AGMO: variants seen among roughly 807,000 people sequenced by gnomAD.
AGMO encodes alkylglycerol monooxygenase, also known as glyceryl-ether monooxygenase.
AGMO carries 75 observed loss-of-function variants against 60.2 expected under a neutral mutation model. The ratio of observed to expected loss-of-function variants is 1.25; its 90% CI spans 1.03 to 1.51. The LOEUF (loss-of-function observed/expected upper bound fraction) is 1.51. Among genes scored for constraint, AGMO ranks in the 40% most tolerant of loss-of-function variants. The pLI, the probability that AGMO is intolerant of heterozygous loss-of-function variation, is 0.00. For missense variants in AGMO, 763 were observed against 525.5 expected (o/e 1.45, Z -4.42); for synonymous variants, 261 against 177.1 (o/e 1.47, Z -3.76).
chr7:15,145,709 T>C, the AGMO span, among the ~76,000 whole-genome samples: 9 of 152,310 alleles, frequency 5.9e-5, no homozygotes, highest in Non-Finnish European at 1.2e-4. Context: ...ACCTCCATTA[T>C]GCTCACAGTA....
At chr7:15,241,939 A>G (rs2128503273) in intron 12 of AGMO, among the ~76,000 whole-genome samples, 1 of 152,236 alleles carries the variant, frequency 6.6e-6, no homozygotes, top group African/African-American at 2.4e-5. Context: ...GCTGGCTGTT[A>G]GCTTCTACAG....
chr7:15,377,842 A>G (rs1021076415), intron 10 of AGMO, among the ~76,000 whole-genome samples: 4 of 152,004 alleles, frequency 2.6e-5, no homozygotes, highest in Non-Finnish European at 5.9e-5. Flanking sequence ...TTAAACAAAT[A>G]TGAAGTCTAA....
At chr7:15,180,764 A>G in the AGMO span, among the ~76,000 whole-genome samples, 1 of 151,982 alleles carries the variant, frequency 6.6e-6, no homozygotes, top group Admixed American at 6.6e-5. Flanking sequence ...CTCAGTATTT[A>G]TTTTCTGTTT....
chr7:15,274,770 A>C (rs990142358), intron 12 of AGMO, among the ~76,000 whole-genome samples: 1 of 151,222 alleles, frequency 6.6e-6, no homozygotes, highest in Non-Finnish European at 1.5e-5. Flanking sequence ...AGAATTTCTA[A>C]TGTTTCCTGG....
At chr7:15,408,256 T>G (rs1784756419) in intron 5 of AGMO, among the ~76,000 whole-genome samples, 1 of 151,882 alleles carries the variant, frequency 6.6e-6, no homozygotes, top group Non-Finnish European at 1.5e-5. Flanking sequence ...TTTAAGGGTT[T>G]TGATTTTATC....
chr7:15,422,153 A>C (rs548015384), intron 4 of AGMO, among the ~76,000 whole-genome samples: 3 of 152,316 alleles, frequency 2.0e-5, no homozygotes, highest in African/African-American at 7.2e-5. Context: ...TTTAAGAATC[A>C]GCCAGAGGAG....
At chr7:15,445,344 A>G (rs970468168) in intron 3 of AGMO, among the ~76,000 whole-genome samples, 11 of 152,200 alleles carry the variant, frequency 7.2e-5, no homozygotes, top group African/African-American at 2.4e-4. Context: ...TTAAACTTCT[A>G]TAATGATGAG....
At chr7:15,217,761 A>G (rs1781786188) in intron 12 of AGMO, among the ~76,000 whole-genome samples, 1 of 152,068 alleles carries the variant, frequency 6.6e-6, no homozygotes, top group Admixed American at 6.6e-5. Flanking sequence ...AATTCAAGAA[A>G]GTAAATGAGA....
At chr7:15,298,321 TTCAA>T (rs1160614584) in intron 12 of AGMO, among the ~76,000 whole-genome samples, 3 of 152,152 alleles carry the variant, frequency 2.0e-5, no homozygotes, top group Non-Finnish European at 4.4e-5. Context: ...TTCATACCAC[TTCAA>T]TCATTCAACC....
intron 3 of AGMO, among the ~76,000 whole-genome samples, chr7:15,525,905 C>T (rs958465539): frequency 3.9e-5 from 6 of 152,196 alleles, no homozygotes; most frequent in African/African-American, 1.2e-4. Flanking sequence ...TCTCTGGGCA[C>T]CACTGCATTC....
At chr7:15,388,938 A>T (rs1784031591) in intron 8 of AGMO, among the ~76,000 whole-genome samples, 1 of 152,190 alleles carries the variant, frequency 6.6e-6, no homozygotes, top group Non-Finnish European at 1.5e-5. Context: ...AGACCTAGAG[A>T]ATTGAACCTA....
the AGMO span, among the ~76,000 whole-genome samples, chr7:15,146,349 C>T: frequency 6.6e-6 from 1 of 152,024 alleles, no homozygotes; most frequent in African/African-American, 2.4e-5. Flanking sequence ...TAATGTATGG[C>T]TCAAATATTG....
At chr7:15,407,381 C>A (rs973732315) in intron 5 of AGMO, among the ~76,000 whole-genome samples, 1 of 151,052 alleles carries the variant, frequency 6.6e-6, no homozygotes, top group Admixed American at 6.6e-5. Context: ...TTACATAGAA[C>A]AAGAAATGTA....
At chr7:15,144,833 T>TTTG in the AGMO span, among the ~76,000 whole-genome samples, 5 of 152,142 alleles carry the variant, frequency 3.3e-5, no homozygotes, top group Non-Finnish European at 7.4e-5. Context: ...TTTGTTTGTT[T>TTTG]TTGTTGTTGT....
rs1434698586 is a variant in AGMO, at chr7:15,407,366, T to C, written c.609+11192A>G. On this transcript the variant is annotated intron_variant, in intron 5 of 12. Coordinates refer to ENST00000342526, the MANE Select transcript of AGMO (RefSeq NM_001004320.2). ...GGTAACTGTAGAATAGAAGGAAAGA[T>C]TATTTTACATAGAACAAGAAATGTA... Among the ~76,000 whole-genome samples the C allele has an allele frequency of 4.6e-5, 7 of 150,942 alleles. No homozygotes were observed. The Admixed American group carries it at 4.7e-4, about 10-fold the overall frequency.
intron 5 of AGMO, among the ~76,000 whole-genome samples, chr7:15,415,075 G>C (rs767675359): frequency 6.6e-5 from 10 of 152,078 alleles, no homozygotes; most frequent in Non-Finnish European, 1.5e-4. Flanking sequence ...GTTTGTGATA[G>C]TCGAAGATTT....
At chr7:15,553,558 C>T (rs1785038313) in intron 2 of AGMO, among the ~76,000 whole-genome samples, 1 of 151,748 alleles carries the variant, frequency 6.6e-6, no homozygotes, top group Non-Finnish European at 1.5e-5. Flanking sequence ...GGGCAAATGC[C>T]ACCAGCCTTA....
intron 12 of AGMO, among the ~76,000 whole-genome samples, chr7:15,311,777 A>T (rs1253145546): frequency 6.6e-6 from 1 of 152,238 alleles, no homozygotes; most frequent in Non-Finnish European, 1.5e-5. Flanking sequence ...ATAGAAATTG[A>T]TCTGTTGAAA....
intron 5 of AGMO, among the ~76,000 whole-genome samples, chr7:15,399,953 G>A (rs908921834): frequency 6.6e-6 from 1 of 152,076 alleles, no homozygotes; most frequent in African/African-American, 2.4e-5. Flanking sequence ...TTATCTTCGA[G>A]ACCAATTCTC....
Sources: gnomAD v4.1 joint callset for allele counts (sites outside exome capture counted in the v4.1 genomes callset) on GRCh38, gnomAD v4.1.1 for gene constraint, MANE v1.5 for transcripts, NCBI Gene and HGNC (gene_info 2026-07-23, HGNC 2026-07-21) for gene names.